Variants in ST3GAL3 observed in about 807,000 individuals in gnomAD.
The protein encoded by ST3GAL3 is CMP-N-acetylneuraminate-beta-1,4-galactoside alpha-2,3-sialyltransferase.
In ST3GAL3, 21 loss-of-function variants were observed where a neutral mutation model predicts 50.1. That is an observed-to-expected ratio of 0.42 (90% confidence interval 0.30 to 0.60). The LOEUF is 0.60. Ranked by LOEUF, ST3GAL3 falls within the 20% of genes least tolerant of loss-of-function variation. The probability of loss-of-function intolerance (pLI) is 0.19; values close to 1 mark genes in which losing one functional copy is unlikely to be tolerated. For missense variants in ST3GAL3, 353 were observed against 489.4 expected (o/e 0.72, Z 2.63); for synonymous variants, 183 against 190.0 (o/e 0.96, Z 0.30).
At chr1:43,786,961 A>G (rs900327148) in intron 2 of ST3GAL3, among the ~76,000 whole-genome samples, 9 of 152,220 alleles carry the variant, frequency 5.9e-5, no homozygotes, top group Admixed American at 3.9e-4. Context: ...GTATACCCCA[A>G]AAGGTAGCTC....
chr1:43,892,258 T>C (rs1296065872), intron 5 of ST3GAL3, among the ~76,000 whole-genome samples: 1 of 151,900 alleles, frequency 6.6e-6, no homozygotes, highest in Non-Finnish European at 1.5e-5. Flanking sequence ...CCAATCTTGA[T>C]CAATAATTTT....
chr1:43,858,176 C>T, intron 5 of ST3GAL3: 1 of 1,289,390 alleles, frequency 7.8e-7, no homozygotes, highest in Non-Finnish European at 1.0e-6. Context: ...CATATCCAGG[C>T]ATATGTGCTC....
At chr1:43,859,689 A>C (rs1187092925) in intron 5 of ST3GAL3, among the ~76,000 whole-genome samples, 2 of 152,248 alleles carry the variant, frequency 1.3e-5, no homozygotes, top group Non-Finnish European at 2.9e-5. Context: ...TCTAAGAAGC[A>C]AATGCCCAAA....
intron 5 of ST3GAL3, among the ~76,000 whole-genome samples, chr1:43,858,610 G>C (rs2069100839): frequency 6.6e-6 from 1 of 152,222 alleles, no homozygotes; most frequent in South Asian, 2.1e-4. Context: ...AGCTGTGTGA[G>C]GCTCCCAGCC....
In ST3GAL3 at chr1:43,749,542, G is replaced by A. The variant is rs540871389; in HGVS notation, c.118+13162G>A. On this transcript the variant is annotated intron_variant, in intron 2 of 11. Transcript: ENST00000347631. Reference sequence around the variant, plus strand: ...ACTTGAGCCCAGGAGTTCAAGATCAGCCTGGACAACACAGTGATACCCCAT... The same window carrying A: ...ACTTGAGCCCAGGAGTTCAAGATCAACCTGGACAACACAGTGATACCCCAT... Among the ~76,000 whole-genome samples, 11 of 152,254 alleles carry A rather than the reference G, an allele frequency of 7.2e-5. No homozygotes were observed. In the East Asian group the frequency reaches 2.1e-3, roughly 29 times the overall value.
At chr1:43,733,470 A>G (rs927302365) in intron 1 of ST3GAL3, among the ~76,000 whole-genome samples, 1 of 152,156 alleles carries the variant, frequency 6.6e-6, no homozygotes, top group Non-Finnish European at 1.5e-5. Flanking sequence ...GAGTACATTT[A>G]TATGTATAAA....
intron 5 of ST3GAL3, among the ~76,000 whole-genome samples, chr1:43,883,544 G>A (rs1224605439): frequency 6.6e-6 from 1 of 152,256 alleles, no homozygotes; most frequent in Non-Finnish European, 1.5e-5. Context: ...CTGCAGTGCT[G>A]ATGCACGCCC....
intron 1 of ST3GAL3, among the ~76,000 whole-genome samples, chr1:43,724,605 T>C (rs1279247059): frequency 6.6e-6 from 1 of 152,198 alleles, no homozygotes; most frequent in African/African-American, 2.4e-5. Context: ...TTTTTTCAAA[T>C]TGTATGCTAA....
intron 5 of ST3GAL3, among the ~76,000 whole-genome samples, chr1:43,859,458 C>A (rs2069341677): frequency 6.6e-6 from 1 of 152,018 alleles, no homozygotes; most frequent in South Asian, 2.1e-4. Context: ...ACTCAGGAGG[C>A]TGAGGCAGGA....
rs1459574826 is a variant in ST3GAL3, at chr1:43,930,987, G to A, written c.*766G>A. 4 of 154,884 alleles carry A rather than the reference G, an allele frequency of 2.6e-5. No individual in the cohort carries two copies. Among genetic ancestry groups the A allele is most frequent in the South Asian group, 4.1e-4 (2 of 4,912 alleles). The allele number at this position is 154,884 out of a possible 1,614,324, so 9.6% of individuals were successfully genotyped here. On this transcript the variant is annotated 3_prime_UTR_variant, in exon 12 of 12. Coordinates refer to ENST00000347631, the MANE Select transcript of ST3GAL3 (RefSeq NM_006279.5). ...GCTGCAGCTGATCCATAGGACTACC[G>A]CAGGCCCGGACTCACCAACTTGCCA...
intron 5 of ST3GAL3, chr1:43,879,205 G>A (rs2074663523): frequency 1.1e-5 from 5 of 447,482 alleles, no homozygotes; most frequent in Non-Finnish European, 2.3e-5. Flanking sequence ...CTCAGAAAAA[G>A]GCTTGTATTT....
chr1:43,853,387 A>G (rs757089937), intron 5 of ST3GAL3, among the ~76,000 whole-genome samples: 56 of 152,228 alleles, frequency 3.7e-4, no homozygotes, highest in South Asian at 4.1e-4. Context: ...ACAATCATAT[A>G]ATGAGACTAA....
At chr1:43,712,728 G>C (rs1665406809) in intron 1 of ST3GAL3, among the ~76,000 whole-genome samples, 1 of 152,166 alleles carries the variant, frequency 6.6e-6, no homozygotes, top group Admixed American at 6.5e-5. Flanking sequence ...GGGTGGATAT[G>C]GGTTTAAAAG....
chr1:43,894,579 C>T (rs112436799), intron 6 of ST3GAL3, 102 bp downstream of exon 6: 16 of 1,003,358 alleles, frequency 1.6e-5, no homozygotes, highest in Non-Finnish European at 2.2e-5. Flanking sequence ...GCTGAGAATC[C>T]ACCCTTCCTC....
At chr1:43,916,552 T>G (rs1304800676) in intron 9 of ST3GAL3, 1 of 152,236 alleles carries the variant, frequency 6.6e-6, no homozygotes, top group East Asian at 1.9e-4. Context: ...ACAACAGTGT[T>G]GGTTACATAC....
At chr1:43,874,577 G>A (rs980193039) in intron 5 of ST3GAL3, among the ~76,000 whole-genome samples, 5 of 152,184 alleles carry the variant, frequency 3.3e-5, no homozygotes, top group Admixed American at 3.3e-4. Context: ...GTTTGCCTAT[G>A]GGGATAATCC....
Position 43,731,017 on chromosome 1 carries a change from G to A in ST3GAL3, c.-30-5216G>A, listed in dbSNP as rs114319311. 9.3e-3 allele frequency among the ~76,000 whole-genome samples: 1,418 copies of A among 151,818 alleles called. 18 individuals are homozygous for A. The highest frequency in any genetic ancestry group is 0.033 in the African/African-American group (1,357 of 41,372). On this transcript the variant is annotated intron_variant, in intron 1 of 11. Transcript: ENST00000347631. Reference sequence around the variant, plus strand: ...GTTTGGTGCATATTCTTTTATGTATGTACTAGATACTTAGTCTTATTTTTT... The same window carrying A: ...GTTTGGTGCATATTCTTTTATGTATATACTAGATACTTAGTCTTATTTTTT...
intron 1 of ST3GAL3, among the ~76,000 whole-genome samples, chr1:43,714,070 C>T (rs1282485109): frequency 6.6e-6 from 1 of 151,818 alleles, no homozygotes; most frequent in East Asian, 1.9e-4. Flanking sequence ...TCGAGGCCAG[C>T]CTGGCCAATG....
chr1:43,850,392 A>T, intron 5 of ST3GAL3: 1 of 565,114 alleles, frequency 1.8e-6, no homozygotes, highest in Non-Finnish European at 3.4e-6. Context: ...ATGCCCTGCT[A>T]GTCTCTCCTT....
Sources: allele counts gnomAD v4.1 joint callset (sites outside exome capture counted in the v4.1 genomes callset), GRCh38; gene constraint gnomAD v4.1.1; transcripts MANE v1.5; gene names NCBI Gene and HGNC (gene_info 2026-07-23, HGNC 2026-07-21).